Variants in SLC9C1 observed in about 807,000 individuals in gnomAD.
SLC9C1 encodes the protein sodium/hydrogen exchanger 10.
In SLC9C1, 97 loss-of-function variants were observed where a neutral mutation model predicts 140.9. That is an observed-to-expected ratio of 0.69 (90% CI 0.58 to 0.82). SLC9C1 has a LOEUF of 0.82. Ranked by LOEUF, SLC9C1 falls within the 40% of genes least tolerant of loss-of-function variation. The probability of loss-of-function intolerance (pLI) is 0.00; values close to 1 mark genes in which losing one functional copy is unlikely to be tolerated. For synonymous variants in SLC9C1, 440 were observed against 442.6 expected (o/e 0.99, Z 0.07); for missense variants, 1,340 against 1,389.3 (o/e 0.96, Z 0.56).
chr3:112,169,705 G>T (rs1020135746), intron 23 of SLC9C1, among the ~76,000 whole-genome samples: 1 of 152,026 alleles, frequency 6.6e-6, no homozygotes, highest in African/African-American at 2.4e-5. Context: ...GATTGCTTTG[G>T]ATATTTGAGC....
chr3:112,281,273 C>T (rs1470669274), intron 2 of SLC9C1, among the ~76,000 whole-genome samples: 2 of 152,180 alleles, frequency 1.3e-5, no homozygotes, highest in African/African-American at 4.8e-5. Context: ...CCGACACCAT[C>T]GCCCTTCTTG....
chr3:112,201,118 C>G (rs762448880), intron 18 of SLC9C1, among the ~76,000 whole-genome samples: 2 of 151,868 alleles, frequency 1.3e-5, no homozygotes, highest in South Asian at 2.1e-4. Flanking sequence ...AAACATTAGC[C>G]CAACAGAAAA....
In SLC9C1 at chr3:112,208,163, T is replaced by C. The variant is rs200911417; in HGVS notation, c.1986+15A>G. ...GACATATAACACTTCCATACACACA[T>C]AAATTTTAGATTACCTTAAGTAGTG... is the stretch of plus-strand genomic sequence containing the variant. On this transcript the variant is annotated intron_variant, in intron 16 of 28. Transcript: ENST00000305815. 32 of 1,569,126 alleles carry C rather than the reference T, an allele frequency of 2.0e-5. No individual in the cohort carries two copies. In the African/African-American group the frequency reaches 4.1e-4, roughly 20 times the overall value.
chr3:112,280,608 C>G (rs2080331751), intron 3 of SLC9C1, 75 bp downstream of exon 3: 6 of 1,347,182 alleles, frequency 4.5e-6, no homozygotes, highest in Non-Finnish European at 6.0e-6. Flanking sequence ...ATAACTTTTG[C>G]AAATTTTAAA....
intron 11 of SLC9C1, among the ~76,000 whole-genome samples, chr3:112,243,262 C>G (rs184547987): frequency 6.6e-6 from 1 of 152,264 alleles, no homozygotes; most frequent in Admixed American, 6.5e-5. Context: ...TGGAATCAAC[C>G]TAAGTGTCCA....
At chr3:112,221,032 G>A (rs2078526236) in intron 14 of SLC9C1, 96 bp downstream of exon 14, 2 of 923,570 alleles carry the variant, frequency 2.2e-6, no homozygotes, top group Non-Finnish European at 3.4e-6. Flanking sequence ...ATAGTAGAGG[G>A]AGCCAAGTTA....
intron 10 of SLC9C1, among the ~76,000 whole-genome samples, chr3:112,244,808 A>T (rs1411993156): frequency 1.3e-5 from 2 of 152,170 alleles, no homozygotes. Context: ...ATGAAACCAC[A>T]CTAGAGGCTC....
chr3:112,275,124 C>A, intron 5 of SLC9C1, 99 bp from the exon 6 acceptor site: 1 of 1,255,608 alleles, frequency 8.0e-7, no homozygotes, highest in South Asian at 1.7e-5. Flanking sequence ...TAAGGATGGT[C>A]TTAGCTATGG....
chr3:112,252,103 C>A (rs147829693), intron 10 of SLC9C1, among the ~76,000 whole-genome samples: 1 of 152,010 alleles, frequency 6.6e-6, no homozygotes, highest in Non-Finnish European at 1.5e-5. Context: ...CAGTGGTTCC[C>A]AGCCTCCCTG....
intron 7 of SLC9C1, among the ~76,000 whole-genome samples, chr3:112,267,281 TAA>T (rs1243155740): frequency 5.5e-4 from 83 of 151,644 alleles, no homozygotes; most frequent in African/African-American, 1.9e-3. Context: ...ACTCTGTTTC[TAA>T]GAGAGAGACA....
At chr3:112,273,553 C>A (rs1164947632) in intron 6 of SLC9C1, among the ~76,000 whole-genome samples, 4 of 152,078 alleles carry the variant, frequency 2.6e-5, no homozygotes, top group Admixed American at 2.6e-4. Flanking sequence ...GGATCAGCTC[C>A]TTTGAGGGAG....
At chr3:112,222,545 G>A (rs962520375) in intron 13 of SLC9C1, among the ~76,000 whole-genome samples, 1 of 152,080 alleles carries the variant, frequency 6.6e-6, no homozygotes, top group Non-Finnish European at 1.5e-5. Context: ...AGAAAACATA[G>A]AATATCACAA....
chr3:112,247,296 G>A (rs2079314184), intron 10 of SLC9C1, among the ~76,000 whole-genome samples: 2 of 151,926 alleles, frequency 1.3e-5, no homozygotes, highest in South Asian at 4.1e-4. Flanking sequence ...TATATCTAGG[G>A]TGGAAAGCCC....
intron 13 of SLC9C1, among the ~76,000 whole-genome samples, chr3:112,229,579 T>C (rs978832064): frequency 6.6e-6 from 1 of 151,952 alleles, no homozygotes; most frequent in Non-Finnish European, 1.5e-5. Context: ...CAAAAAGAGA[T>C]TATCAAGCAA....
At chr3:112,156,888 A>G (rs933705050) in intron 26 of SLC9C1, among the ~76,000 whole-genome samples, 9 of 151,936 alleles carry the variant, frequency 5.9e-5, no homozygotes, top group African/African-American at 2.2e-4. Flanking sequence ...TGTTTTTGCT[A>G]TTGAATTATG....
In SLC9C1 at chr3:112,270,038, G is replaced by C. The variant is rs1483169025; in HGVS notation, c.653C>G (p.Ala218Gly). The C allele has an allele frequency of 1.9e-6, 3 of 1,587,606 alleles. No individual in the cohort carries two copies. In the East Asian group the frequency reaches 6.9e-5, roughly 37 times the overall value. ...IVGGICSYII[A>G]SFLFGILSSK... is the part of the protein sequence containing the mutation. Reference sequence around the variant, plus strand: ...ACTTAGAATTCCAAACAAGAAACTTGCTATAATATATGAACAAATTCCACC... The same window carrying C: ...ACTTAGAATTCCAAACAAGAAACTTCCTATAATATATGAACAAATTCCACC... Residue 218 changes from alanine (A) to glycine (G), a missense_variant, in exon 7 of 29, where the codon GCA becomes GGA. By Grantham distance (60) the Ala-to-Gly change is moderately conservative (BLOSUM62 0). Coordinates refer to ENST00000305815, the MANE Select transcript of SLC9C1 (RefSeq NM_183061.3).
At chr3:112,200,390 A>G (rs2077876802) in intron 19 of SLC9C1, among the ~76,000 whole-genome samples, 2 of 152,110 alleles carry the variant, frequency 1.3e-5, no homozygotes, top group South Asian at 4.1e-4. Flanking sequence ...TCACTCAGGA[A>G]GGTACATGTA....
chr3:112,266,171 ATT>A, intron 8 of SLC9C1, 65 bp downstream of exon 8: 3 of 1,133,794 alleles, frequency 2.6e-6, no homozygotes, highest in Non-Finnish European at 3.9e-6. Flanking sequence ...AGATGTAGAT[ATT>A]GTTACTATTA....
Position 112,158,801 on chromosome 3 carries a change from C to T in SLC9C1, c.3365-3752G>A, listed in dbSNP as rs186360017. On this transcript the variant is annotated intron_variant, in intron 26 of 28. Transcript: ENST00000305815. ...TTTCTTCTAGGTTTTCCAATTTGTTCGTGTATAATTTTTCATAGTAGTCTA... is the reference window on the plus strand; with the variant it reads ...TTTCTTCTAGGTTTTCCAATTTGTTTGTGTATAATTTTTCATAGTAGTCTA... 8.6e-5 allele frequency among the ~76,000 whole-genome samples: 13 copies of T among 151,532 alleles called. 1 individual carries two copies. Among genetic ancestry groups the T allele is most frequent in the Admixed American group, 7.9e-4 (12 of 15,192 alleles).
Sources: gnomAD v4.1 joint callset for allele counts (sites outside exome capture counted in the v4.1 genomes callset) on GRCh38, gnomAD v4.1.1 for gene constraint, MANE v1.5 for transcripts, NCBI Gene and HGNC (gene_info 2026-07-23, HGNC 2026-07-21) for gene names.